Variants in TNFRSF10A observed in about 807,000 individuals in gnomAD.
TNFRSF10A encodes the protein tumor necrosis factor receptor superfamily member 10A.
A neutral mutation model predicts 42.8 loss-of-function variants in TNFRSF10A; 44 were observed. The observed-to-expected ratio is 1.03, with a 90% CI of 0.81 to 1.32. TNFRSF10A has a LOEUF of 1.32. Ranked by LOEUF, TNFRSF10A falls within the 40% of genes most tolerant of loss-of-function variation. TNFRSF10A has a pLI of 0.00. For missense variants in TNFRSF10A, 680 were observed against 602.0 expected (o/e 1.13, Z -1.36); for synonymous variants, 259 against 234.2 (o/e 1.11, Z -0.97).
rs182707081 is a variant in TNFRSF10A at position 23,202,642 on chromosome 8, C to G, written c.517+6G>C. 5,931 of 1,610,390 alleles carry G rather than the reference C, an allele frequency of 3.7e-3. 12 individuals are homozygous for G. Among genetic ancestry groups the G allele is most frequent in the Non-Finnish European group, 4.7e-3 (5,512 of 1,176,672 alleles). ...CCTCTGGACAAGAGGTCCACACATT[C>G]TGTACCTGATTTACAAGCTGTACAT... On this transcript the variant is annotated splice_donor_region_variant and intron_variant, in intron 3 of 9. Transcript: ENST00000221132.
In TNFRSF10A at chr8:23,191,890, G is replaced by A; in HGVS notation, c.1211C>T (p.Pro404Leu). 6.2e-7 allele frequency: 1 copy of A among 1,614,126 alleles called. No homozygotes were observed. Among genetic ancestry groups the A allele is most frequent in the South Asian group, 1.1e-5 (1 of 91,076 alleles). Reference sequence around the variant, plus strand: ...CAGCATTGCATACAAGGCATCCCCTGGGCCTGCTGTACCAGCTCTGACCAC... The same window carrying A: ...CAGCATTGCATACAAGGCATCCCCTAGGCCTGCTGTACCAGCTCTGACCAC... Reference protein sequence around the residue: ...IDVVRAGTAGPGDALYAMLMK... With the variant: ...IDVVRAGTAGLGDALYAMLMK... The change falls in exon 10 of 10, where the codon CCA becomes CTA. Residue 404 changes from proline (P) to leucine (L), a missense_variant. By Grantham distance (98) the Pro-to-Leu change is moderately conservative. Coordinates refer to ENST00000221132, the MANE Select transcript of TNFRSF10A (RefSeq NM_003844.4).
intron 2 of TNFRSF10A, among the ~76,000 whole-genome samples, chr8:23,203,927 C>T (rs2128848650): frequency 6.6e-6 from 1 of 152,166 alleles, no homozygotes; most frequent in Middle Eastern, 3.4e-3. Context: ...CAGGAGCGTG[C>T]CACCACGCCT....
Position 23,191,790 on chromosome 8 carries a change from C to T in TNFRSF10A, c.1311G>A (p.Glu437=), listed in dbSNP as rs751666555. Residue 437 remains glutamate (E), a synonymous_variant, in exon 10 of 10, where the codon GAG becomes GAA. Coordinates refer to ENST00000221132, the MANE Select transcript of TNFRSF10A (RefSeq NM_003844.4). ...CCTGAATCTTCTCTCTTGCATGTCTCTCTTCCATCCTCTCCAAGGCATCCA... is the reference window on the plus strand; with the variant it reads ...CCTGAATCTTCTCTCTTGCATGTCTTTCTTCCATCCTCTCCAAGGCATCCA... ...TLLDALERME[E]RHAREKIQDL... 1.2e-6 allele frequency: 2 copies of T among 1,614,040 alleles called. No homozygotes were observed. Among genetic ancestry groups the T allele is most frequent in the African/African-American group, 1.3e-5 (1 of 74,902 alleles).
chr8:23,206,983 A>G, intron 2 of TNFRSF10A: 1 of 352,966 alleles, frequency 2.8e-6, no homozygotes, highest in Non-Finnish European at 5.4e-6. Flanking sequence ...AAAGGTTTTG[A>G]AGGCCAAGAA....
At position 23,202,828 on chromosome 8, in the gene TNFRSF10A, T is replaced by C. The variant is rs1168536209; in HGVS notation, c.404-67A>G. On this transcript the variant is annotated intron_variant, in intron 2 of 9. Coordinates refer to ENST00000221132, the MANE Select transcript of TNFRSF10A (RefSeq NM_003844.4). Reference sequence around the variant, plus strand: ...GTTCCCAGAGGATCGTGGCGGTGGCTAGGAAACTCTTCTTTTGGCCATCAG... The same window carrying C: ...GTTCCCAGAGGATCGTGGCGGTGGCCAGGAAACTCTTCTTTTGGCCATCAG... The C allele has an allele frequency of 4.5e-6, 5 of 1,111,150 alleles. No individual in the cohort carries two copies. The African/African-American group carries it at 6.1e-5, about 14-fold the overall frequency. 68.8% of individuals were successfully genotyped at this position (1,111,150 alleles called of 1,614,324 possible).
intron 1 of TNFRSF10A, among the ~76,000 whole-genome samples, chr8:23,218,991 C>T (rs745835701): frequency 4.6e-5 from 7 of 152,198 alleles, no homozygotes; most frequent in African/African-American, 1.2e-4. Context: ...TTTAATGAAA[C>T]CACATCCTCT....
intron 4 of TNFRSF10A, among the ~76,000 whole-genome samples, chr8:23,201,374 T>C (rs1179487954): frequency 6.6e-6 from 1 of 152,198 alleles, no homozygotes; most frequent in Admixed American, 6.5e-5. Flanking sequence ...ATTTCTGTCT[T>C]CTTGAATTAA....
At chr8:23,222,617 TGA>T (rs1284849202) in intron 1 of TNFRSF10A, among the ~76,000 whole-genome samples, 2 of 152,210 alleles carry the variant, frequency 1.3e-5, no homozygotes, top group African/African-American at 2.4e-5. Context: ...GATGGTGGGA[TGA>T]GAGGGTCCTG....
intron 2 of TNFRSF10A, among the ~76,000 whole-genome samples, chr8:23,209,045 G>A (rs1253728805): frequency 6.6e-6 from 1 of 152,128 alleles, no homozygotes; most frequent in Non-Finnish European, 1.5e-5. Context: ...CTAGGGACTT[G>A]GTGCCCTACA....
At chr8:23,224,553 C>A (rs1801306309) in intron 1 of TNFRSF10A, 1 of 637,256 alleles carries the variant, frequency 1.6e-6, no homozygotes, top group Non-Finnish European at 2.6e-6. Flanking sequence ...GGAGGGGGCT[C>A]TGCTGCCTCC....
intron 9 of TNFRSF10A, among the ~76,000 whole-genome samples, chr8:23,192,316 T>A (rs1435460590): frequency 1.3e-5 from 2 of 151,982 alleles, no homozygotes; most frequent in East Asian, 3.9e-4. Flanking sequence ...GCAAAGTGGG[T>A]GAGAGCCCGA....
At chr8:23,224,161 G>T (rs1194962207) in intron 1 of TNFRSF10A, among the ~76,000 whole-genome samples, 1 of 151,952 alleles carries the variant, frequency 6.6e-6, no homozygotes, top group Non-Finnish European at 1.5e-5. Flanking sequence ...TTAGCCGGGC[G>T]TGGTGGCAGG....
In TNFRSF10A at chr8:23,202,719, G is replaced by A. The variant is rs1464298035; in HGVS notation, c.446C>T (p.Thr149Ile). Residue 149 changes from threonine to isoleucine, a missense_variant, in exon 3 of 10, where the codon ACA (threonine) becomes ATA (isoleucine). Coordinates refer to ENST00000221132, the MANE Select transcript of TNFRSF10A (RefSeq NM_003844.4). ...AGCATTGGTGTAACCCACACCCTCT[G>A]TGCACCGGTTACAGGCTCCAGGATG... ...SEHPGACNRC[T>I]EGVGYTNASN... is the part of the protein sequence containing the mutation. 36 of 1,613,918 alleles carry A rather than the reference G, an allele frequency of 2.2e-5. No homozygotes were observed. The highest frequency in any genetic ancestry group is 2.6e-5 in the Non-Finnish European group (31 of 1,179,952).
chr8:23,195,002 T>C (rs888062214), intron 9 of TNFRSF10A, among the ~76,000 whole-genome samples: 11 of 152,046 alleles, frequency 7.2e-5, no homozygotes, highest in African/African-American at 2.7e-4. Context: ...CTACTAAAAA[T>C]ACAAAAAGTA....
At chr8:23,193,116 T>TAA (rs143413943) in intron 9 of TNFRSF10A, among the ~76,000 whole-genome samples, 2,013 of 152,306 alleles carry the variant, frequency 0.013, 40 homozygotes, top group African/African-American at 0.043. Context: ...AGCACCCTAT[T>TAA]AAAGCCTTCT....
At chr8:23,212,272 C>G in intron 1 of TNFRSF10A, 60 bp from the exon 2 acceptor site, 1 of 1,422,144 alleles carries the variant, frequency 7.0e-7, no homozygotes, top group East Asian at 2.3e-5. Context: ...ATTACAAGAT[C>G]AATCTCACAT....
At chr8:23,214,253 C>T (rs532284812) in intron 1 of TNFRSF10A, among the ~76,000 whole-genome samples, 1 of 152,102 alleles carries the variant, frequency 6.6e-6, no homozygotes, top group South Asian at 2.1e-4. Context: ...TTTGGGAGGC[C>T]GAGGCAGGCA....
intron 2 of TNFRSF10A, among the ~76,000 whole-genome samples, chr8:23,203,744 T>A (rs1333301083): frequency 5.3e-5 from 8 of 152,070 alleles, no homozygotes; most frequent in Non-Finnish European, 1.2e-4. Flanking sequence ...GTAATAGTGC[T>A]GGGGCAACTA....
intron 9 of TNFRSF10A, among the ~76,000 whole-genome samples, chr8:23,192,259 C>A (rs1800767214): frequency 6.6e-6 from 1 of 152,226 alleles, no homozygotes; most frequent in Admixed American, 6.5e-5. Context: ...TCAGAGAGGG[C>A]TGAGAACCCA....
Sources: gnomAD v4.1 joint callset for allele counts (sites outside exome capture counted in the v4.1 genomes callset) on GRCh38, gnomAD v4.1.1 for gene constraint, MANE v1.5 for transcripts, NCBI Gene and HGNC (gene_info 2026-07-23, HGNC 2026-07-21) for gene names.